B3GALNT2: variants seen among roughly 807,000 people sequenced by gnomAD.
B3GALNT2 encodes the protein UDP-GalNAc:beta-1,3-N-acetylgalactosaminyltransferase 2.
Under a neutral mutation model 61.1 loss-of-function variants are expected in B3GALNT2, and 53 were observed. The observed-to-expected ratio is 0.87, with a 90% CI of 0.70 to 1.09. B3GALNT2 has a LOEUF of 1.09. B3GALNT2 is among the 50% of genes least tolerant of loss of function. The probability of loss-of-function intolerance (pLI) is 0.00; values close to 1 mark genes in which losing one functional copy is unlikely to be tolerated. For missense variants in B3GALNT2, 544 were observed against 623.0 expected (o/e 0.87, Z 1.35); for synonymous variants, 223 against 237.4 (o/e 0.94, Z 0.56).
At chr1:235,453,829 G>A (rs1683040574) in intron 10 of B3GALNT2, among the ~76,000 whole-genome samples, 1 of 152,150 alleles carries the variant, frequency 6.6e-6, no homozygotes, top group African/African-American at 2.4e-5. Context: ...TTAAAGGCAA[G>A]ATTTGAGGGA....
At position 235,448,218 on chromosome 1, in the gene B3GALNT2, C is replaced by CAG; in HGVS notation, c.*1987_*1988insCT. 3.0e-6 allele frequency: 2 copies of CAG among 671,990 alleles called. No individual in the cohort carries two copies. The highest frequency in any genetic ancestry group is 5.5e-5 in the East Asian group (2 of 36,562). The allele number at this position is 671,990 out of a possible 1,614,324, so 41.6% of individuals were successfully genotyped here. A position where few individuals can be genotyped will look rare whatever the true frequency, so the allele number is the denominator to read the frequency against. On this transcript the variant is annotated 3_prime_UTR_variant, in exon 12 of 12. Transcript: ENST00000366600. ...TACTTAAGTAAGTAAGTAAGTCAGT[C>CAG]TCAAAAAAAAAAAAAAAAAAAAGAC...
chr1:235,442,783 T>C, downstream of B3GALNT2: 1 of 1,459,886 alleles, frequency 6.8e-7, no homozygotes, highest in Non-Finnish European at 9.5e-7. Flanking sequence ...CATCTGTTGA[T>C]GTGTGTGGAT....
In B3GALNT2 at chr1:235,453,095, A is replaced by ATCTTTTAGG. The variant is rs1287402822; in HGVS notation, c.1354_1362dup (p.Pro452_Arg454dup). On this transcript the variant is annotated inframe_insertion, in exon 11 of 12. Transcript: ENST00000366600. ...GGCCATCCCCAAAGACTTACCTGGTATCTTTTAGGTCCTATGGCAGCCATC... is the reference window on the plus strand; with the variant it reads ...GGCCATCCCCAAAGACTTACCTGGTATCTTTTAGGTCTTTTAGGTCCTATGGCAGCCATC... The ATCTTTTAGG allele has an allele frequency of 3.1e-6, 5 of 1,610,930 alleles. No individual in the cohort carries two copies. Among genetic ancestry groups the ATCTTTTAGG allele is most frequent in the Non-Finnish European group, 4.2e-6 (5 of 1,177,044 alleles).
At chr1:235,441,727 T>C in the B3GALNT2 span, 7 of 1,266,224 alleles carry the variant, frequency 5.5e-6, no homozygotes, top group African/African-American at 8.8e-5. Context: ...CTCTGGACGC[T>C]TACCTATCCT....
chr1:235,478,641 G>A (rs143513049), intron 5 of B3GALNT2, among the ~76,000 whole-genome samples: 79 of 152,196 alleles, frequency 5.2e-4, no homozygotes, highest in African/African-American at 1.8e-3. Context: ...CCATAACACC[G>A]AAAAATTGAA....
the B3GALNT2 span, among the ~76,000 whole-genome samples, chr1:235,440,261 C>T: frequency 9.2e-5 from 14 of 152,064 alleles, no homozygotes; most frequent in African/African-American, 2.2e-4. Context: ...TGAGCCACCG[C>T]GCCCAGCCAG....
At chr1:235,474,987 A>ATATATATTTT (rs1180244284) in intron 5 of B3GALNT2, among the ~76,000 whole-genome samples, 3 of 35,574 alleles carry the variant, frequency 8.4e-5, no homozygotes, top group Non-Finnish European at 1.5e-4. Flanking sequence ...ATATATATAT[A>ATATATATTTT]TTTTTTTTTT....
At chr1:235,483,008 G>A (rs192440510) in intron 4 of B3GALNT2, among the ~76,000 whole-genome samples, 1 of 152,158 alleles carries the variant, frequency 6.6e-6, no homozygotes, top group East Asian at 1.9e-4. Flanking sequence ...CAAAGCTGTA[G>A]AGAAAAATAT....
intron 5 of B3GALNT2, among the ~76,000 whole-genome samples, chr1:235,473,532 G>C (rs1229594366): frequency 6.6e-6 from 1 of 152,174 alleles, no homozygotes; most frequent in African/African-American, 2.4e-5. Flanking sequence ...AGATGGGATG[G>C]AGACAATGTT....
rs1445864918 is a variant in B3GALNT2 at position 235,455,798 on chromosome 1, A to G, written c.1026-114T>C. 4 of 1,281,822 alleles carry G rather than the reference A, an allele frequency of 3.1e-6. No homozygotes were observed. The African/African-American group carries it at 6.0e-5, about 19-fold the overall frequency. The allele number at this position is 1,281,822 out of a possible 1,614,324, so 79.4% of individuals were successfully genotyped here. A position where few individuals can be genotyped will look rare whatever the true frequency, so the allele number is the denominator to read the frequency against. On this transcript the variant is annotated intron_variant, in intron 8 of 11. Transcript: ENST00000366600. ...GTACCTGTCATTATCTAAATTTCTT[A>G]TTCCTCAAATGTTGAGAACATTTGC...
At chr1:235,446,595 C>T (rs1682329540), downstream of B3GALNT2, among the ~76,000 whole-genome samples, 1 of 152,006 alleles carries the variant, frequency 6.6e-6, no homozygotes, top group East Asian at 1.9e-4. Flanking sequence ...TCCATATTTT[C>T]TGAATGTTAA....
At chr1:235,484,650 T>TA (rs1558433918) in intron 3 of B3GALNT2, 135 bp from the exon 4 acceptor site, 3 of 1,390,620 alleles carry the variant, frequency 2.2e-6, no homozygotes, top group South Asian at 1.8e-5. Flanking sequence ...CAGGAATTTT[T>TA]AAAAAATGCT....
intron 4 of B3GALNT2, among the ~76,000 whole-genome samples, chr1:235,480,390 C>T (rs972668611): frequency 5.3e-5 from 8 of 151,342 alleles, no homozygotes; most frequent in African/African-American, 1.5e-4. Context: ...AAACATAATC[C>T]ACATAACCTT....
chr1:235,455,801 C>A, intron 8 of B3GALNT2, 117 bp from the exon 9 acceptor site: 1 of 1,265,092 alleles, frequency 7.9e-7, no homozygotes, highest in Non-Finnish European at 1.1e-6. Flanking sequence ...ATTTCTTATT[C>A]CTCAAATGTT....
chr1:235,462,056 C>T (rs368600356), intron 7 of B3GALNT2, among the ~76,000 whole-genome samples: 6 of 152,214 alleles, frequency 3.9e-5, no homozygotes, highest in Middle Eastern at 6.8e-3. Context: ...CTATAACATT[C>T]GGCAGGCTAA....
At position 235,458,614 on chromosome 1, in the gene B3GALNT2, G is replaced by A. The variant is rs2102789767; in HGVS notation, c.1014C>T (p.Asn338=). The A allele has an allele frequency of 1.2e-6, 2 of 1,602,648 alleles. No homozygotes were observed. The highest frequency in any genetic ancestry group is 8.5e-7 in the Non-Finnish European group (1 of 1,176,566). The part of the protein sequence containing the change: ...TYRNVPAKLL[N]FYRWTVETTS... ...TTTTTACAACCTACCATCTATAGAA[G>A]TTCAATAATTTTGCAGGAACATTAC... is the stretch of plus-strand genomic sequence containing the variant. Residue 338 remains asparagine (N), a synonymous_variant, in exon 8 of 12, where the codon AAC becomes AAT. Coordinates refer to ENST00000366600, the MANE Select transcript of B3GALNT2 (RefSeq NM_152490.5).
At chr1:235,475,677 T>G (rs1684244641) in intron 5 of B3GALNT2, among the ~76,000 whole-genome samples, 1 of 152,198 alleles carries the variant, frequency 6.6e-6, no homozygotes, top group Non-Finnish European at 1.5e-5. Flanking sequence ...GGAGAGAATT[T>G]TTTTAATTGC....
chr1:235,465,523 T>C, intron 7 of B3GALNT2, 113 bp downstream of exon 7: 1 of 1,461,766 alleles, frequency 6.8e-7, no homozygotes. Context: ...GGGTGAATTT[T>C]ATCTGAATAA....
chr1:235,489,221 A>C lies in B3GALNT2; in HGVS notation c.308T>G (p.Val103Gly), dbSNP rs1168664158. ...GGAATAAGGATCCTCCCTGTCTTCC[A>C]CAGGCACTTCACAGCCATGAGCACC... ...IIGAHGCEVP[V>G]EDREDPYSCK... The change falls in exon 3 of 12, where the codon GTG (valine) becomes GGG (glycine). Residue 103 changes from valine to glycine, a missense_variant. Transcript: ENST00000366600. The C allele has an allele frequency of 3.1e-6, 5 of 1,613,982 alleles. No individual in the cohort carries two copies.
Sources: gnomAD v4.1 joint callset for allele counts (sites outside exome capture counted in the v4.1 genomes callset) on GRCh38, gnomAD v4.1.1 for gene constraint, MANE v1.5 for transcripts, NCBI Gene and HGNC (gene_info 2026-07-23, HGNC 2026-07-21) for gene names.